The following TDRD9 variants were observed in gnomAD, a reference collection of about 807,000 sequenced individuals.
TDRD9 encodes the protein ATP-dependent RNA helicase TDRD9.
TDRD9 carries 124 observed loss-of-function variants against 172.6 expected under a neutral mutation model. That is an observed-to-expected ratio of 0.72 (90% CI 0.62 to 0.83). TDRD9 has a LOEUF of 0.83. Among genes scored for constraint, TDRD9 ranks in the 40% least tolerant of loss-of-function variants. The pLI is 0.00. For synonymous variants in TDRD9, 619 were observed against 617.1 expected (o/e 1.00, Z -0.05); for missense variants, 1,479 against 1,714.1 (o/e 0.86, Z 2.42).
chr14:103,978,987 C>T (rs942773525), intron 7 of TDRD9, among the ~76,000 whole-genome samples: 2 of 152,086 alleles, frequency 1.3e-5, no homozygotes, highest in African/African-American at 4.8e-5. Context: ...AACACTGGAG[C>T]TTCCTCCTCC....
chr14:104,027,150 G>A (rs1365837523), intron 28 of TDRD9, among the ~76,000 whole-genome samples: 1 of 152,096 alleles, frequency 6.6e-6, no homozygotes, highest in Non-Finnish European at 1.5e-5. Context: ...TATTGTTTTT[G>A]TTGGTGAGTA....
chr14:103,996,718 G>A (rs539099616), intron 12 of TDRD9, among the ~76,000 whole-genome samples: 3 of 152,330 alleles, frequency 2.0e-5, no homozygotes, highest in South Asian at 2.1e-4. Context: ...TAGACAAAAA[G>A]CCTTTGTTCT....
intron 32 of TDRD9, among the ~76,000 whole-genome samples, chr14:104,038,272 C>T (rs529766421): frequency 4.9e-4 from 74 of 152,302 alleles, no homozygotes; most frequent in Non-Finnish European, 8.5e-4. Flanking sequence ...AATATCTACA[C>T]TTATATGTAC....
At chr14:103,971,175 G>A (rs1000880563) in intron 6 of TDRD9, among the ~76,000 whole-genome samples, 30 of 151,070 alleles carry the variant, frequency 2.0e-4, no homozygotes, top group Admixed American at 2.0e-4. Flanking sequence ...AGTAGAGGCG[G>A]GGTTTCATCG....
At chr14:104,038,859 G>A (rs970144140) in intron 32 of TDRD9, among the ~76,000 whole-genome samples, 1 of 152,030 alleles carries the variant, frequency 6.6e-6, no homozygotes, top group Non-Finnish European at 1.5e-5. Context: ...TAGTAGAGAA[G>A]GGGTTTCGCC....
chr14:103,994,298 G>A (rs2033977615), intron 9 of TDRD9, 34 bp from the exon 10 acceptor site: 2 of 1,593,906 alleles, frequency 1.3e-6, no homozygotes, highest in Admixed American at 3.3e-5. Flanking sequence ...ATACAAACAT[G>A]TTTATTTCCC....
intron 1 of TDRD9, among the ~76,000 whole-genome samples, chr14:103,934,344 T>C (rs1302879431): frequency 6.6e-6 from 1 of 152,240 alleles, no homozygotes; most frequent in Admixed American, 6.5e-5. Context: ...TTTGGTCGTT[T>C]AACAGATTTC....
At chr14:103,940,915 TTGTC>T (rs1242907243) in intron 1 of TDRD9, 4 of 1,535,442 alleles carry the variant, frequency 2.6e-6, no homozygotes, top group South Asian at 2.4e-5. Flanking sequence ...TATTTCATCT[TTGTC>T]TGCCCTCTTG....
chr14:103,935,818 A>G (rs1186630585), intron 1 of TDRD9, among the ~76,000 whole-genome samples: 1 of 152,146 alleles, frequency 6.6e-6, no homozygotes, highest in Non-Finnish European at 1.5e-5. Flanking sequence ...ATATCTTAAC[A>G]CTTTCATGGG....
rs78413819 is a variant in TDRD9 at position 104,039,822 on chromosome 14, T to C, written c.3717-374T>C. Among the ~76,000 whole-genome samples the C allele has an allele frequency of 7.8e-3, 1,189 of 152,278 alleles. 14 individuals are homozygous for C. Among genetic ancestry groups the C allele is most frequent in the African/African-American group, 0.028 (1,144 of 41,542 alleles). ...AGACTTGTTTGACAGGTCATAAATATGTACATAGCCCTTTCTCCAGAAATC... is the reference window on the plus strand; with the variant it reads ...AGACTTGTTTGACAGGTCATAAATACGTACATAGCCCTTTCTCCAGAAATC... On this transcript the variant is annotated intron_variant, in intron 32 of 35. Coordinates refer to ENST00000409874, the MANE Select transcript of TDRD9 (RefSeq NM_153046.3).
chr14:104,025,229 ACCTCTG>A (rs1173342094), intron 25 of TDRD9, among the ~76,000 whole-genome samples: 3 of 152,066 alleles, frequency 2.0e-5, no homozygotes, highest in Admixed American at 2.0e-4. Flanking sequence ...TGATCTGCCC[ACCTCTG>A]CCTCCCAAAG....
intron 2 of TDRD9, among the ~76,000 whole-genome samples, chr14:103,962,301 A>G (rs960031669): frequency 2.0e-5 from 3 of 152,206 alleles, no homozygotes; most frequent in African/African-American, 7.2e-5. Flanking sequence ...TGAAATTTCA[A>G]GGAAAAGTTT....
At chr14:104,001,713 A>G (rs570188835) in intron 13 of TDRD9, among the ~76,000 whole-genome samples, 23 of 152,098 alleles carry the variant, frequency 1.5e-4, no homozygotes, top group Non-Finnish European at 2.9e-4. Flanking sequence ...GGTTTAAGCA[A>G]TTCTCCTGCC....
At chr14:103,931,572 CT>C (rs1295522744) in intron 1 of TDRD9, among the ~76,000 whole-genome samples, 3 of 152,146 alleles carry the variant, frequency 2.0e-5, no homozygotes, top group Admixed American at 6.5e-5. Context: ...TCAACTGATT[CT>C]TTCATGATTT....
intron 2 of TDRD9, among the ~76,000 whole-genome samples, chr14:103,960,007 T>G (rs553762405): frequency 1.3e-5 from 2 of 152,332 alleles, no homozygotes; most frequent in Non-Finnish European, 2.9e-5. Flanking sequence ...TTTTAGCTTT[T>G]CTTCTGGTTT....
chr14:103,954,405 C>T (rs977523191), intron 1 of TDRD9, among the ~76,000 whole-genome samples: 6 of 152,182 alleles, frequency 3.9e-5, no homozygotes, highest in Non-Finnish European at 7.3e-5. Context: ...ATGGTAGTTT[C>T]ATGTGGGCAA....
chr14:103,939,388 C>T (rs527360911), intron 1 of TDRD9, among the ~76,000 whole-genome samples: 1 of 152,188 alleles, frequency 6.6e-6, no homozygotes. Context: ...ATTCACTGCA[C>T]AATAAGCAGT....
At chr14:103,994,157 C>A (rs533063244) in intron 9 of TDRD9, among the ~76,000 whole-genome samples, 175 bp from the exon 10 acceptor site, 3 of 152,178 alleles carry the variant, frequency 2.0e-5, no homozygotes, top group Non-Finnish European at 4.4e-5. Flanking sequence ...TACTACTAAT[C>A]AATGTCACTG....
intron 32 of TDRD9, among the ~76,000 whole-genome samples, chr14:104,035,984 G>A (rs1340537504): frequency 6.6e-6 from 1 of 151,632 alleles, no homozygotes; most frequent in African/African-American, 2.4e-5. Context: ...AATGTGTAGT[G>A]CTTTTTTTTT....
Sources: gnomAD v4.1 joint callset for allele counts (sites outside exome capture counted in the v4.1 genomes callset) on GRCh38, gnomAD v4.1.1 for gene constraint, MANE v1.5 for transcripts, NCBI Gene and HGNC (gene_info 2026-07-23, HGNC 2026-07-21) for gene names.